Variants in LIMCH1 observed in about 807,000 individuals in gnomAD.
The protein encoded by LIMCH1 is LIM and calponin homology domains-containing protein 1.
In LIMCH1, 113 loss-of-function variants were observed where a neutral mutation model predicts 176.5. That is an observed-to-expected ratio of 0.64 (90% confidence interval 0.55 to 0.75). LIMCH1 has a LOEUF of 0.75. Ranked by LOEUF, LIMCH1 falls within the 30% of genes least tolerant of loss-of-function variation. The probability of loss-of-function intolerance (pLI) is 0.00; values close to 1 mark genes in which losing one functional copy is unlikely to be tolerated. For missense variants in LIMCH1, 1,674 were observed against 1,814.9 expected, an observed-to-expected ratio of 0.92 and a Z score of 1.41; for synonymous variants, 619 against 645.9, an observed-to-expected ratio of 0.96 and a Z score of 0.63.
At chr4:41,676,319 T>G in intron 22 of LIMCH1, 63 bp from the exon 23 acceptor site, 1 of 1,354,774 alleles carries the variant, frequency 7.4e-7, no homozygotes, top group Non-Finnish European at 1.0e-6. Context: ...TGTCTACTCT[T>G]CACCCGGCCT....
chr4:41,599,274 A>G (rs1399230572), intron 2 of LIMCH1, among the ~76,000 whole-genome samples: 1 of 152,238 alleles, frequency 6.6e-6, no homozygotes, highest in African/African-American at 2.4e-5. Context: ...TGAAGAGGAG[A>G]AAAATGTTAA....
intron 31 of LIMCH1, among the ~76,000 whole-genome samples, chr4:41,695,288 G>C (rs1382678990): frequency 3.3e-5 from 5 of 150,262 alleles, no homozygotes; most frequent in Non-Finnish European, 5.9e-5. Flanking sequence ...CTCATTTAAA[G>C]TGTATAAATA....
At chr4:41,425,977 T>C (rs2061042105) in intron 1 of LIMCH1, among the ~76,000 whole-genome samples, 1 of 151,380 alleles carries the variant, frequency 6.6e-6, no homozygotes, top group South Asian at 2.1e-4. Context: ...GATTTGAAAC[T>C]AAGGATGCTA....
intron 1 of LIMCH1, among the ~76,000 whole-genome samples, chr4:41,463,995 G>T (rs1009278089): frequency 2.0e-5 from 3 of 152,078 alleles, no homozygotes; most frequent in African/African-American, 7.2e-5. Context: ...TGGGATTACG[G>T]CCATCCCCAT....
intron 1 of LIMCH1, among the ~76,000 whole-genome samples, chr4:41,438,585 C>A (rs1271981479): frequency 2.6e-5 from 4 of 152,146 alleles, no homozygotes; most frequent in Non-Finnish European, 5.9e-5. Flanking sequence ...GCGATCTACC[C>A]GCCTCGGCCT....
chr4:41,681,633 C>G (rs911902480), intron 25 of LIMCH1, among the ~76,000 whole-genome samples: 7 of 152,076 alleles, frequency 4.6e-5, no homozygotes, highest in African/African-American at 1.7e-4. Flanking sequence ...CATTGCACCA[C>G]TGTACTCCAG....
chr4:41,366,871 C>A (rs1028838910), intron 1 of LIMCH1, among the ~76,000 whole-genome samples: 1 of 152,092 alleles, frequency 6.6e-6, no homozygotes. Context: ...CATAAAGATA[C>A]GACCTGAGAC....
At chr4:41,360,465 T>G (rs2051824578), upstream of LIMCH1, among the ~76,000 whole-genome samples, 1 of 151,966 alleles carries the variant, frequency 6.6e-6, no homozygotes, top group Non-Finnish European at 1.5e-5. The surrounding 1 kb of genome is among the most constrained non-coding windows in gnomAD (Gnocchi z 4.5). Context: ...GGCCAGCGGA[T>G]TCCCTCTATC....
intron 1 of LIMCH1, among the ~76,000 whole-genome samples, chr4:41,579,378 G>T (rs892881797): frequency 2.0e-5 from 3 of 152,088 alleles, no homozygotes; most frequent in Non-Finnish European, 4.4e-5. Context: ...AAAGTTAATT[G>T]CAATTTTCTG....
At chr4:41,448,608 T>C (rs529256852) in intron 1 of LIMCH1, among the ~76,000 whole-genome samples, 66 of 152,290 alleles carry the variant, frequency 4.3e-4, no homozygotes, top group African/African-American at 1.5e-3. Context: ...ATTTTATCAA[T>C]TTAAAATATG....
intron 1 of LIMCH1, among the ~76,000 whole-genome samples, chr4:41,404,402 A>G (rs1301215525): frequency 6.6e-6 from 1 of 152,150 alleles, no homozygotes; most frequent in Non-Finnish European, 1.5e-5. Context: ...AGAAAGAGTG[A>G]TATCAGTAAA....
At chr4:41,365,643 T>C (rs1000292145) in intron 1 of LIMCH1, among the ~76,000 whole-genome samples, 2 of 152,194 alleles carry the variant, frequency 1.3e-5, no homozygotes, top group Admixed American at 1.3e-4. Flanking sequence ...AGAAAAAACT[T>C]TTCTGGCTAG....
At chr4:41,553,866 G>C (rs2080876686) in intron 1 of LIMCH1, among the ~76,000 whole-genome samples, 1 of 152,132 alleles carries the variant, frequency 6.6e-6, no homozygotes, top group Non-Finnish European at 1.5e-5. Context: ...CTATGCACCA[G>C]ATCCTGCACT....
At chr4:41,559,998 A>G (rs904643129) in intron 1 of LIMCH1, among the ~76,000 whole-genome samples, 8 of 152,142 alleles carry the variant, frequency 5.3e-5, no homozygotes, top group Non-Finnish European at 1.0e-4. Flanking sequence ...GCTTATTTCC[A>G]AGTACTACCT....
rs112418348 is a variant in LIMCH1, at chr4:41,648,807, A to G, written c.2821-1586A>G. ...AAATAGTTTAAGGCAGTGTTTTTCA[A>G]ACTGAAAGTTACCACCCGTTGCTAG... On this transcript the variant is annotated intron_variant, in intron 17 of 31. Transcript: ENST00000503057. 6.6e-3 allele frequency among the ~76,000 whole-genome samples: 1,007 copies of G among 152,026 alleles called. 15 individuals are homozygous for G. The highest frequency in any genetic ancestry group is 0.023 in the African/African-American group (960 of 41,468).
intron 18 of LIMCH1, among the ~76,000 whole-genome samples, chr4:41,655,154 T>C (rs953301678): frequency 2.0e-5 from 3 of 152,220 alleles, no homozygotes; most frequent in Non-Finnish European, 4.4e-5. Flanking sequence ...GAAGCTCTTC[T>C]TTCCTCAATG....
intron 1 of LIMCH1, among the ~76,000 whole-genome samples, chr4:41,453,975 C>T (rs2064207819): frequency 6.6e-6 from 1 of 152,162 alleles, no homozygotes; most frequent in Admixed American, 6.5e-5. Context: ...TCCTCCAACA[C>T]TCTTACTCTG....
At chr4:41,635,764 TTAAGC>T (rs2093556145) in intron 13 of LIMCH1, among the ~76,000 whole-genome samples, 2 of 152,196 alleles carry the variant, frequency 1.3e-5, no homozygotes, top group African/African-American at 4.8e-5. Context: ...TAAAAACACT[TTAAGC>T]TAACGCTAGT....
At chr4:41,445,131 G>A (rs781448928) in intron 1 of LIMCH1, among the ~76,000 whole-genome samples, 1 of 147,138 alleles carries the variant, frequency 6.8e-6, no homozygotes, top group Non-Finnish European at 1.5e-5. Flanking sequence ...TCAGCCTCCC[G>A]AGTAGCTGGA....
Sources: gnomAD v4.1 joint callset for allele counts (sites outside exome capture counted in the v4.1 genomes callset) on GRCh38, gnomAD v4.1.1 for gene constraint, Gnocchi (gnomAD v3.1) non-coding constraint, MANE v1.5 for transcripts, NCBI Gene and HGNC (gene_info 2026-07-23, HGNC 2026-07-21) for gene names.